The following RARB variants were observed in gnomAD, a reference collection of about 807,000 sequenced individuals.
RARB encodes retinoic acid receptor beta.
A neutral mutation model predicts 51.9 loss-of-function variants in RARB; 17 were observed. That is an observed-to-expected ratio of 0.33 (90% CI 0.22 to 0.49). The LOEUF (loss-of-function observed/expected upper bound fraction) is 0.49. RARB is among the 20% of genes least tolerant of loss of function. The pLI is 0.99. For missense variants in RARB, 369 were observed against 550.8 expected, an observed-to-expected ratio of 0.67 and a Z score of 3.30; for synonymous variants, 215 against 195.4, an observed-to-expected ratio of 1.10 and a Z score of -0.84.
intron 3 of RARB, among the ~76,000 whole-genome samples, chr3:25,089,495 G>A (rs11294076): frequency 4.8e-3 from 21 of 4,418 alleles, no homozygotes; most frequent in African/African-American, 0.016. Context: ...CCAAAAAAAA[G>A]TCCCAAATTA....
intron 2 of RARB, among the ~76,000 whole-genome samples, chr3:25,500,424 G>A (rs1044864580): frequency 1.5e-5 from 2 of 132,566 alleles, no homozygotes; most frequent in Non-Finnish European, 3.2e-5. Flanking sequence ...TCTTGCATTA[G>A]GCAAATAATT....
At chr3:25,367,084 A>G (rs1035796325) in intron 5 of RARB, among the ~76,000 whole-genome samples, 1 of 152,154 alleles carries the variant, frequency 6.6e-6, no homozygotes, top group Non-Finnish European at 1.5e-5. Context: ...TTTCTTGTCA[A>G]TCTAAACATG....
chr3:25,351,915 C>T (rs574579174), intron 5 of RARB, among the ~76,000 whole-genome samples: 1 of 152,176 alleles, frequency 6.6e-6, no homozygotes, highest in South Asian at 2.1e-4. Context: ...TTCAAAGATG[C>T]TATAGCTGTC....
Position 25,097,153 on chromosome 3 carries a change from C to T in RARB, c.-327-35008C>T, listed in dbSNP as rs545078526. On this transcript the variant is annotated intron_variant, in intron 3 of 11. Transcript: ENST00000383772. ...GTAACAATTCTACCCTTCATGTTGC[C>T]ATACTTTGTGCCATGAATGAAAGAA... 5.3e-5 allele frequency among the ~76,000 whole-genome samples: 8 copies of T among 152,218 alleles called. No individual in the cohort carries two copies. In the East Asian group the frequency reaches 1.5e-3, roughly 29 times the overall value.
At chr3:25,098,873 C>A (rs943144067) in intron 3 of RARB, among the ~76,000 whole-genome samples, 1 of 152,186 alleles carries the variant, frequency 6.6e-6, no homozygotes, top group Non-Finnish European at 1.5e-5. Context: ...CAACCCCTTA[C>A]CCCTGCAAAA....
intron 5 of RARB, among the ~76,000 whole-genome samples, chr3:25,271,263 G>T (rs533722487): frequency 2.1e-4 from 32 of 152,190 alleles, no homozygotes; most frequent in Non-Finnish European, 3.7e-4. Context: ...TGGGGTGGCT[G>T]CAGGCTTGCA....
chr3:25,411,474 A>C (rs910842616), intron 5 of RARB, among the ~76,000 whole-genome samples: 2 of 152,228 alleles, frequency 1.3e-5, no homozygotes, highest in Non-Finnish European at 1.5e-5. Context: ...TGTAAGAAGA[A>C]ATTAGGCTCT....
At chr3:25,592,766 C>G (rs77104187) in intron 5 of RARB, among the ~76,000 whole-genome samples, 1 of 152,200 alleles carries the variant, frequency 6.6e-6, no homozygotes, top group Non-Finnish European at 1.5e-5. Flanking sequence ...CTTTAGGGTT[C>G]GGTTGAAATG....
intron 5 of RARB, among the ~76,000 whole-genome samples, chr3:25,204,425 C>A (rs116218604): frequency 6.6e-6 from 1 of 152,190 alleles, no homozygotes; most frequent in Non-Finnish European, 1.5e-5. Context: ...TCTCTCAACT[C>A]GTCAAAGTTA....
intron 5 of RARB, among the ~76,000 whole-genome samples, chr3:25,332,914 C>T (rs1356669243): frequency 1.3e-5 from 2 of 152,102 alleles, no homozygotes; most frequent in Non-Finnish European, 2.9e-5. Context: ...CATGAGTGAA[C>T]CTTCATTCAC....
At chr3:25,316,191 A>G (rs1455764303) in intron 5 of RARB, among the ~76,000 whole-genome samples, 1 of 152,170 alleles carries the variant, frequency 6.6e-6, no homozygotes, top group Non-Finnish European at 1.5e-5. Context: ...GGACCATTGT[A>G]TCTATGTATC....
intron 1 of RARB, among the ~76,000 whole-genome samples, chr3:24,857,024 G>A (rs1013952332): frequency 2.6e-5 from 4 of 152,120 alleles, no homozygotes; most frequent in African/African-American, 4.8e-5. Context: ...GATAGTTCAC[G>A]TTGTGGTCCA....
chr3:25,560,505 T>C (rs537848720), intron 3 of RARB, among the ~76,000 whole-genome samples: 2 of 152,316 alleles, frequency 1.3e-5, no homozygotes, highest in Admixed American at 6.5e-5. Flanking sequence ...TCAGAAAACG[T>C]TGAATCCCAA....
At chr3:24,979,558 ACTC>A (rs1478397237) in intron 2 of RARB, among the ~76,000 whole-genome samples, 2 of 141,906 alleles carry the variant, frequency 1.4e-5, no homozygotes, top group East Asian at 2.0e-4. Context: ...CAGGATTGCA[ACTC>A]CTCCTGTTTT....
intron 2 of RARB, among the ~76,000 whole-genome samples, chr3:24,862,779 T>A (rs993241371): frequency 5.3e-5 from 8 of 152,240 alleles, no homozygotes; most frequent in African/African-American, 1.9e-4. Context: ...ATCATCTTTA[T>A]ATTATACTGT....
At chr3:25,531,433 A>G (rs1386434168) in intron 3 of RARB, among the ~76,000 whole-genome samples, 1 of 151,884 alleles carries the variant, frequency 6.6e-6, no homozygotes. Flanking sequence ...GAAGATAGAT[A>G]GATACAGATA....
At chr3:25,188,424 A>G (rs1701024862) in intron 5 of RARB, among the ~76,000 whole-genome samples, 1 of 152,148 alleles carries the variant, frequency 6.6e-6, no homozygotes, top group African/African-American at 2.4e-5. Flanking sequence ...TCCTAGCTAA[A>G]TCAAGATCAA....
At chr3:25,012,245 A>G (rs1286697931) in intron 2 of RARB, among the ~76,000 whole-genome samples, 1 of 152,102 alleles carries the variant, frequency 6.6e-6, no homozygotes, top group Non-Finnish European at 1.5e-5. Context: ...TTAATGTTCT[A>G]AAATATTACT....
intron 5 of RARB, among the ~76,000 whole-genome samples, chr3:25,249,942 G>C (rs1010738100): frequency 1.6e-5 from 1 of 61,490 alleles, no homozygotes; most frequent in South Asian, 7.8e-4. Flanking sequence ...TGGGTCACCA[G>C]GTGGCTTTCT....
Sources: allele counts gnomAD v4.1 joint callset (sites outside exome capture counted in the v4.1 genomes callset), GRCh38; gene constraint gnomAD v4.1.1; transcripts MANE v1.5; gene names NCBI Gene and HGNC (gene_info 2026-07-23, HGNC 2026-07-21).